Variants in MKLN1 observed in about 807,000 individuals in gnomAD.
The protein encoded by MKLN1 is muskelin 1.
MKLN1 carries 18 observed loss-of-function variants against 99.0 expected under a neutral mutation model. The ratio of observed to expected loss-of-function variants is 0.18; its 90% CI spans 0.13 to 0.27. The LOEUF (loss-of-function observed/expected upper bound fraction) is 0.27. MKLN1 is among the 10% of genes least tolerant of loss of function. The pLI is 1.00. For synonymous variants in MKLN1, 288 were observed against 293.2 expected, an observed-to-expected ratio of 0.98 and a Z score of 0.18; for missense variants, 621 against 875.9, an observed-to-expected ratio of 0.71 and a Z score of 3.67.
rs573298392 is a variant in MKLN1 at position 131,487,810 on chromosome 7, A to C, written c.*82A>C. The C allele has an allele frequency of 6.7e-7, 1 of 1,497,774 alleles. No individual in the cohort carries two copies. Among genetic ancestry groups the C allele is most frequent in the Admixed American group, 1.9e-5 (1 of 53,814 alleles). The allele number at this position is 1,497,774 out of a possible 1,614,324, so 92.8% of individuals were successfully genotyped here. A position where few individuals can be genotyped will look rare whatever the true frequency, so the allele number is the denominator to read the frequency against. ...ATTGCAGCTCCACTGACTGACAGTA[A>C]AGCTGCAGTGATTGAGGACTGCACC... On this transcript the variant is annotated 3_prime_UTR_variant, in exon 18 of 18. Coordinates refer to ENST00000352689, the MANE Select transcript of MKLN1 (RefSeq NM_013255.5). The surrounding 1 kb of genome is among the most constrained non-coding windows in gnomAD (Gnocchi z 4.7).
intron 1 of MKLN1, among the ~76,000 whole-genome samples, chr7:131,344,059 A>C (rs1563302543): frequency 6.6e-6 from 1 of 152,220 alleles, no homozygotes; most frequent in African/African-American, 2.4e-5. Flanking sequence ...GGTTTGATTC[A>C]ATTTATATTT....
intron 2 of MKLN1, among the ~76,000 whole-genome samples, chr7:131,193,108 C>T (rs1796591506): frequency 6.6e-6 from 1 of 152,056 alleles, no homozygotes; most frequent in African/African-American, 2.4e-5. Flanking sequence ...ATTTAAATGG[C>T]TTACAGAATT....
chr7:131,200,082 C>G (rs942890442), intron 2 of MKLN1, among the ~76,000 whole-genome samples: 2 of 152,118 alleles, frequency 1.3e-5, no homozygotes, highest in African/African-American at 4.8e-5. Context: ...ACCATCTCAG[C>G]TCTGCAACCT....
chr7:131,271,072 G>C (rs1584880931), intron 3 of MKLN1, among the ~76,000 whole-genome samples: 1 of 152,008 alleles, frequency 6.6e-6, no homozygotes, highest in Admixed American at 6.6e-5. Flanking sequence ...TATAAGATTC[G>C]TGATCGCAGG....
chr7:131,164,630 T>C, intron 2 of MKLN1, among the ~76,000 whole-genome samples: 1 of 152,260 alleles, frequency 6.6e-6, no homozygotes, highest in South Asian at 2.1e-4. Context: ...TAGGTTCACT[T>C]TGGCTTAAAT....
Position 131,470,937 on chromosome 7 carries a change from C to A in MKLN1, c.2024C>A (p.Thr675Lys). 3 of 1,588,572 alleles carry A rather than the reference C, an allele frequency of 1.9e-6. No homozygotes were observed. The highest frequency in any genetic ancestry group is 2.6e-6 in the Non-Finnish European group (3 of 1,163,124). Residue 675 changes from threonine to lysine, a missense_variant, in exon 16 of 18, where the codon ACA becomes AAA. By Grantham distance (78) the Thr-to-Lys change is moderately conservative. Coordinates refer to ENST00000352689, the MANE Select transcript of MKLN1 (RefSeq NM_013255.5). ...GTGGATCATTCAGACCCAGAAGAGA[C>A]AAAAGAGGTAAAGAAAGGTGGTAAT... is the stretch of plus-strand genomic sequence containing the variant. The part of the protein sequence containing the change: ...ITVDHSDPEE[T>K]KEFQLLASAL...
intron 3 of MKLN1, among the ~76,000 whole-genome samples, chr7:131,320,552 T>C (rs1385138160): frequency 1.3e-5 from 2 of 152,056 alleles, no homozygotes; most frequent in Non-Finnish European, 2.9e-5. Flanking sequence ...CCAAAAGCAA[T>C]TGCAACAAAA....
At chr7:131,471,069 C>A in intron 16 of MKLN1, 125 bp downstream of exon 16, 1 of 625,028 alleles carries the variant, frequency 1.6e-6, no homozygotes, top group Non-Finnish European at 2.7e-6. Context: ...CATCAGTAAT[C>A]TTTAAAATGT....
chr7:131,271,147 T>C (rs1797877762), intron 3 of MKLN1, among the ~76,000 whole-genome samples: 1 of 152,090 alleles, frequency 6.6e-6, no homozygotes. Flanking sequence ...AATGTCATCA[T>C]GGAGAAAAGT....
rs550219518 is a variant in MKLN1 at position 131,257,059 on chromosome 7, G to A, written c.-179+54085G>A. ...CCTCATCTTTAAAAGACATAAAATCGTATTAAGTAATAATTATAACAATGT... is the reference window on the plus strand; with the variant it reads ...CCTCATCTTTAAAAGACATAAAATCATATTAAGTAATAATTATAACAATGT... On this transcript the variant is annotated intron_variant, in intron 3 of 7. Transcript: ENST00000416992. Among the ~76,000 whole-genome samples the A allele has an allele frequency of 1.1e-3, 174 of 152,038 alleles. 1 individual carries two copies. Among genetic ancestry groups the A allele is most frequent in the Non-Finnish European group, 1.9e-3 (127 of 67,962 alleles).
intron 2 of MKLN1, among the ~76,000 whole-genome samples, chr7:131,378,541 T>C (rs1053263877): frequency 2.0e-5 from 3 of 152,180 alleles, no homozygotes; most frequent in African/African-American, 7.2e-5. Flanking sequence ...AAAATAGATA[T>C]ATCCACGGCC....
intron 3 of MKLN1, among the ~76,000 whole-genome samples, chr7:131,315,880 A>C (rs773426483): frequency 2.0e-5 from 3 of 152,194 alleles, no homozygotes; most frequent in Non-Finnish European, 2.9e-5. Flanking sequence ...CTCTGAAGCA[A>C]AGGTAACAGC....
chr7:131,197,497 C>T (rs1405967173), intron 2 of MKLN1, among the ~76,000 whole-genome samples: 1 of 151,304 alleles, frequency 6.6e-6, no homozygotes, highest in Non-Finnish European at 1.5e-5. Context: ...CAACTCCCAC[C>T]TCAGCCTCCC....
intron 2 of MKLN1, among the ~76,000 whole-genome samples, chr7:131,175,598 T>C (rs1027820184): frequency 6.6e-6 from 1 of 152,162 alleles, no homozygotes; most frequent in Non-Finnish European, 1.5e-5. Context: ...TGTTTGAGAT[T>C]AAACATACAA....
At chr7:131,382,614 T>C (rs897526762) in intron 2 of MKLN1, among the ~76,000 whole-genome samples, 2 of 152,210 alleles carry the variant, frequency 1.3e-5, no homozygotes, top group East Asian at 3.9e-4. Flanking sequence ...TTTCTTTGCA[T>C]CTGTGGTTTC....
chr7:131,484,169 C>T (rs1016163130), intron 17 of MKLN1, among the ~76,000 whole-genome samples: 3 of 151,930 alleles, frequency 2.0e-5, no homozygotes, highest in Non-Finnish European at 4.4e-5. Flanking sequence ...AACCATTCGT[C>T]TAATGATAGT....
chr7:131,385,492 A>G (rs1793986416), intron 2 of MKLN1, among the ~76,000 whole-genome samples: 1 of 152,140 alleles, frequency 6.6e-6, no homozygotes, highest in African/African-American at 2.4e-5. Flanking sequence ...AATGCATGAG[A>G]GTTCCAGTTT....
intron 3 of MKLN1, among the ~76,000 whole-genome samples, chr7:131,230,434 A>G (rs1367898031): frequency 6.6e-6 from 1 of 152,170 alleles, no homozygotes; most frequent in Non-Finnish European, 1.5e-5. Flanking sequence ...GGTGGGGATG[A>G]TGAGGAGGCA....
intron 12 of MKLN1, among the ~76,000 whole-genome samples, chr7:131,454,887 C>T (rs767264709): frequency 2.0e-5 from 3 of 152,108 alleles, no homozygotes; most frequent in Non-Finnish European, 2.9e-5. Context: ...AATGAGAAGG[C>T]GGCCAAGAAA....
Sources: gnomAD v4.1 joint callset for allele counts (sites outside exome capture counted in the v4.1 genomes callset) on GRCh38, gnomAD v4.1.1 for gene constraint, Gnocchi (gnomAD v3.1) non-coding constraint, MANE v1.5 for transcripts, NCBI Gene and HGNC (gene_info 2026-07-23, HGNC 2026-07-21) for gene names.